Variants in FMO2 observed in about 807,000 individuals in gnomAD.
FMO2 encodes the protein flavin containing dimethylaniline monoxygenase 2.
In FMO2, 33 loss-of-function variants were observed where a neutral mutation model predicts 41.6. That is an observed-to-expected ratio of 0.79 (90% CI 0.60 to 1.06). FMO2 has a LOEUF of 1.06. FMO2 is among the 50% of genes least tolerant of loss of function. The pLI is 0.00. For synonymous variants in FMO2, 214 were observed against 219.6 expected, an observed-to-expected ratio of 0.97 and a Z score of 0.23; for missense variants, 619 against 632.9, an observed-to-expected ratio of 0.98 and a Z score of 0.23.
At chr1:171,193,118 C>T (rs1005355333) in intron 2 of FMO2, among the ~76,000 whole-genome samples, 10 of 152,112 alleles carry the variant, frequency 6.6e-5, no homozygotes, top group African/African-American at 1.2e-4. Flanking sequence ...CAATATTACC[C>T]CTACCCCTCA....
chr1:171,196,170 G>A (rs1658300880), intron 3 of FMO2, among the ~76,000 whole-genome samples: 1 of 152,294 alleles, frequency 6.6e-6, no homozygotes, highest in Middle Eastern at 3.4e-3. Flanking sequence ...TGTGTATTCA[G>A]GGAGTTAAAG....
At chr1:171,193,615 T>C (rs1039770082) in intron 3 of FMO2, 92 bp downstream of exon 3, 2 of 825,764 alleles carry the variant, frequency 2.4e-6, no homozygotes, top group African/African-American at 1.7e-5. Flanking sequence ...CAATTATGAA[T>C]GAAGTATCCC....
At chr1:171,201,918 G>A (rs1346632343) in intron 5 of FMO2, among the ~76,000 whole-genome samples, 1 of 152,130 alleles carries the variant, frequency 6.6e-6, no homozygotes, top group Non-Finnish European at 1.5e-5. Context: ...CCCCATGACT[G>A]AATTATCTCC....
In FMO2 at chr1:171,185,845, A is replaced by C. The variant is rs1657823882; in HGVS notation, c.132A>C (p.Lys44Asn). 1.2e-6 allele frequency: 2 copies of C among 1,613,600 alleles called. No homozygotes were observed. The highest frequency in any genetic ancestry group is 1.7e-6 in the Non-Finnish European group (2 of 1,179,642). The change falls in exon 2 of 9, where the codon AAA (lysine) becomes AAC (asparagine). Residue 44 changes from lysine to asparagine, a missense_variant and splice_region_variant. By Grantham distance (94) the Lys-to-Asn change is moderately conservative. Transcript: ENST00000209929. ...TEDIGGVWRF[K>N]ENVEDGRASI... ...ATATTGGAGGAGTGTGGAGGTTCAA[A>C]GTAAGTGAGATTTTCTTGGGTCTTG...
At position 171,210,469 on chromosome 1, in the gene FMO2, G is replaced by A. The variant is rs1658935491; in HGVS notation, c.*1324G>A. On this transcript the variant is annotated 3_prime_UTR_variant, in exon 9 of 9. Coordinates refer to ENST00000209929, the MANE Select transcript of FMO2 (RefSeq NM_001460.5). ...GCAGAGACAAACTTTTTTTAGAATT[G>A]AAGTCTGAAACAAACAAAAGCAATT... is the stretch of plus-strand genomic sequence containing the variant. 6.6e-6 allele frequency: 1 copy of A among 152,162 alleles called. No individual in the cohort carries two copies. The highest frequency in any genetic ancestry group is 2.4e-5 in the African/African-American group (1 of 41,444). 9.4% of individuals were successfully genotyped at this position (152,162 alleles called of 1,614,324 possible).
Position 171,209,044 on chromosome 1 carries a change from G to A in FMO2, c.1507G>A (p.Ala503Thr). 8.2e-7 allele frequency: 1 copy of A among 1,224,016 alleles called. No individual in the cohort carries two copies. Among genetic ancestry groups the A allele is most frequent in the Non-Finnish European group, 1.2e-6 (1 of 867,054 alleles). The allele number at this position is 1,224,016 out of a possible 1,614,324, so 75.8% of individuals were successfully genotyped here. A position where few individuals can be genotyped will look rare whatever the true frequency, so the allele number is the denominator to read the frequency against. ...AATACTGAAGCCACTCAAGACTCGGGCCCTGAAGGATTCATCTAATTTCTC... is the reference window on the plus strand; with the variant it reads ...AATACTGAAGCCACTCAAGACTCGGACCCTGAAGGATTCATCTAATTTCTC... Reference protein sequence around the residue: ...QRILKPLKTRALKDSSNFSVS... With the variant: ...QRILKPLKTRTLKDSSNFSVS... The change falls in exon 9 of 9, where the codon GCC (alanine) becomes ACC (threonine). Residue 503 changes from alanine to threonine, a missense_variant. Physicochemically the swap from Ala to Thr is moderately conservative, Grantham distance 58 (BLOSUM62 0). Coordinates refer to ENST00000209929, the MANE Select transcript of FMO2 (RefSeq NM_001460.5).
At chr1:171,201,786 C>T (rs981281133) in intron 5 of FMO2, among the ~76,000 whole-genome samples, 9 of 152,080 alleles carry the variant, frequency 5.9e-5, no homozygotes, top group East Asian at 3.9e-4. Flanking sequence ...ACAATCATGA[C>T]GGAATGCACC....
chr1:171,212,336 A>G lies in FMO2; in HGVS notation c.*3191A>G, dbSNP rs567633092. ...TGGACACAGCAAGAAGGCCCTCATC[A>G]GATGCTGGCCCCTTGGTCTTGAATT... On this transcript the variant is annotated 3_prime_UTR_variant, in exon 9 of 9. Transcript: ENST00000209929. Among the ~76,000 whole-genome samples the G allele has an allele frequency of 1.3e-5, 2 of 152,268 alleles. No homozygotes were observed. The highest frequency in any genetic ancestry group is 4.1e-4 in the South Asian group (2 of 4,822).
intron 2 of FMO2, among the ~76,000 whole-genome samples, chr1:171,188,217 T>C (rs1445690293): frequency 6.6e-6 from 1 of 152,046 alleles, no homozygotes; most frequent in African/African-American, 2.4e-5. Context: ...TGAGAGTTAG[T>C]TTGAACAGTC....
At chr1:171,207,817 T>C in intron 8 of FMO2, 27 bp downstream of exon 8, 1 of 1,391,924 alleles carries the variant, frequency 7.2e-7, no homozygotes, top group East Asian at 2.3e-5. Context: ...ATTCTTTACA[T>C]GAAGCAGTGT....
chr1:171,188,993 T>C (rs1188473194), intron 2 of FMO2: 4 of 152,214 alleles, frequency 2.6e-5, no homozygotes, highest in Admixed American at 6.5e-5. Context: ...TATCTTTATT[T>C]ACATATTAAG....
In FMO2 at chr1:171,211,485, T is replaced by C. The variant is rs1278613853; in HGVS notation, c.*2340T>C. 6.6e-6 allele frequency among the ~76,000 whole-genome samples: 1 copy of C among 150,666 alleles called. No homozygotes were observed. Among genetic ancestry groups the C allele is most frequent in the African/African-American group, 2.5e-5 (1 of 39,974 alleles). On this transcript the variant is annotated 3_prime_UTR_variant, in exon 9 of 9. Coordinates refer to ENST00000209929, the MANE Select transcript of FMO2 (RefSeq NM_001460.5). ...TATCTTACTTCTACAGTGGAAGAGA[T>C]TGAAAAGCATTTGTCAGGTTAATGC...
In FMO2 at chr1:171,193,542, A is replaced by C. The variant is rs774968479; in HGVS notation, c.321+19A>C. 5.0e-5 allele frequency: 76 copies of C among 1,517,472 alleles called. No individual in the cohort carries two copies. Among genetic ancestry groups the C allele is most frequent in the Non-Finnish European group, 6.7e-5 (74 of 1,100,444 alleles). 94.0% of individuals were successfully genotyped at this position (1,517,472 alleles called of 1,614,324 possible). On this transcript the variant is annotated intron_variant, in intron 3 of 8. Transcript: ENST00000209929. The stretch of plus-strand genomic sequence containing the variant: ...GTTCCAGGTATTGTATTTTTGGGGA[A>C]ATGGGTTTCTCTGCATTAGTTCAGC...
rs779973035 is a variant in FMO2, at chr1:171,205,482, A to G, written c.1031A>G (p.Lys344Arg). 11 of 1,613,732 alleles carry G rather than the reference A, an allele frequency of 6.8e-6. No homozygotes were observed. In the African/African-American group the frequency reaches 1.1e-4, roughly 16 times the overall value. The change falls in exon 7 of 9, where the codon AAA becomes AGA. Residue 344 changes from lysine (K) to arginine (R), a missense_variant. By Grantham distance (26) the Lys-to-Arg change is conservative. Transcript: ENST00000209929. ...SFPFLEDSLV[K>R]VENNMVSLYK... is the part of the protein sequence containing the mutation. Reference sequence around the variant, plus strand: ...CCCTTCCTTGAAGATTCACTCGTTAAAGTAGAGAATAATATGGTCTCACTG... The same window carrying G: ...CCCTTCCTTGAAGATTCACTCGTTAGAGTAGAGAATAATATGGTCTCACTG...
In FMO2 at chr1:171,210,688, C is replaced by A. The variant is rs186099212; in HGVS notation, c.*1543C>A. On this transcript the variant is annotated 3_prime_UTR_variant, in exon 9 of 9. Transcript: ENST00000209929. ...ATTTCTCCTCTTATTTCTACCAAGC[C>A]TTTGTGAACATTGCTCTTCATTTTG... is the stretch of plus-strand genomic sequence containing the variant. The A allele has an allele frequency of 6.6e-6, 1 of 152,356 alleles. No individual in the cohort carries two copies. The highest frequency in any genetic ancestry group is 1.5e-5 in the Non-Finnish European group (1 of 68,058). 9.4% of individuals were successfully genotyped at this position (152,356 alleles called of 1,614,324 possible).
At chr1:171,185,940 A>G in intron 2 of FMO2, 95 bp downstream of exon 2, 1 of 1,240,886 alleles carries the variant, frequency 8.1e-7, no homozygotes, top group Non-Finnish European at 1.1e-6. Flanking sequence ...TTTATTAAAC[A>G]ACTCTGATCA....
At position 171,191,958 on chromosome 1, in the gene FMO2, C is replaced by T. The variant is rs564782510; in HGVS notation, c.133-1377C>T. ...AAGGTTGAGGTGGGATCACCTGAGC[C>T]CAGGAGGTTGATGCTGCCGTGAGCC... is the stretch of plus-strand genomic sequence containing the variant. On this transcript the variant is annotated intron_variant, in intron 2 of 8. Coordinates refer to ENST00000209929, the MANE Select transcript of FMO2 (RefSeq NM_001460.5). Among the ~76,000 whole-genome samples, 69 of 150,802 alleles carry T rather than the reference C, an allele frequency of 4.6e-4. 1 individual carries two copies. Among genetic ancestry groups the T allele is most frequent in the African/African-American group, 1.6e-3 (64 of 40,894 alleles).
At chr1:171,207,366 A>G (rs957673535) in intron 7 of FMO2, among the ~76,000 whole-genome samples, 14 of 152,098 alleles carry the variant, frequency 9.2e-5, no homozygotes, top group Admixed American at 3.3e-4. Context: ...AATAAATCTG[A>G]TCTTCTCACT....
In FMO2 at chr1:171,208,877, C is replaced by G. The variant is rs754437041; in HGVS notation, c.1340C>G (p.Pro447Arg). Residue 447 changes from proline (P) to arginine (R), a missense_variant, in exon 9 of 9, where the codon CCA becomes CGA. Physicochemically the swap from Pro to Arg is moderately radical, Grantham distance 103. Coordinates refer to ENST00000209929, the MANE Select transcript of FMO2 (RefSeq NM_001460.5). ...CTCGCCTTAGAGATAGGTGCGAAGC[C>G]AGATTTCTGCTCTCTCTTGTTCAAA... is the stretch of plus-strand genomic sequence containing the variant. ...DELALEIGAK[P>R]DFCSLLFKDP... The G allele has an allele frequency of 6.2e-7, 1 of 1,613,964 alleles. No homozygotes were observed. Among genetic ancestry groups the G allele is most frequent in the Non-Finnish European group, 8.5e-7 (1 of 1,179,890 alleles).
Sources: allele counts gnomAD v4.1 joint callset (sites outside exome capture counted in the v4.1 genomes callset), GRCh38; gene constraint gnomAD v4.1.1; transcripts MANE v1.5; gene names NCBI Gene and HGNC (gene_info 2026-07-23, HGNC 2026-07-21).